The following ERI3 variants were observed in gnomAD, a reference collection of about 807,000 sequenced individuals.
ERI3 encodes the protein ERI1 exoribonuclease 3.
Under a neutral mutation model 44.4 loss-of-function variants are expected in ERI3, and 18 were observed. The observed-to-expected ratio is 0.41, with a 90% confidence interval of 0.28 to 0.60. The LOEUF (loss-of-function observed/expected upper bound fraction) is 0.60, where lower values mean the gene tolerates loss of function less well. ERI3 is among the 20% of genes least tolerant of loss of function. ERI3 has a pLI of 0.36. For synonymous variants in ERI3, 183 were observed against 164.8 expected (o/e 1.11, Z -0.84); for missense variants, 294 against 435.5 (o/e 0.68, Z 2.89).
At chr1:44,287,363 T>C (rs1030638356) in intron 6 of ERI3, among the ~76,000 whole-genome samples, 1 of 152,206 alleles carries the variant, frequency 6.6e-6, no homozygotes, top group Admixed American at 6.5e-5. Context: ...CTCCAGAAAG[T>C]TCAAGGCAGT....
intron 6 of ERI3, among the ~76,000 whole-genome samples, chr1:44,302,617 C>T (rs759822950): frequency 5.9e-5 from 9 of 152,232 alleles, no homozygotes; most frequent in Non-Finnish European, 7.3e-5. Flanking sequence ...ATCCCCACCA[C>T]ATCTCCTGGC....
At chr1:44,278,208 T>C (rs1447337225) in intron 7 of ERI3, among the ~76,000 whole-genome samples, 1 of 152,184 alleles carries the variant, frequency 6.6e-6, no homozygotes, top group Non-Finnish European at 1.5e-5. Flanking sequence ...CCGAGTGCAG[T>C]GGCTCGCACC....
intron 4 of ERI3, among the ~76,000 whole-genome samples, chr1:44,317,082 T>G (rs114953249): frequency 6.6e-6 from 1 of 152,182 alleles, no homozygotes; most frequent in African/African-American, 2.4e-5. Context: ...TGTCCAGCAC[T>G]GAGCCTGCTT....
At chr1:44,347,525 T>C (rs1203729604) in intron 2 of ERI3, among the ~76,000 whole-genome samples, 1 of 152,210 alleles carries the variant, frequency 6.6e-6, no homozygotes, top group Non-Finnish European at 1.5e-5. Context: ...CTTCCATTTT[T>C]TGCCAGACAA....
intron 8 of ERI3, among the ~76,000 whole-genome samples, chr1:44,225,765 C>T (rs1325077515): frequency 6.6e-6 from 1 of 152,200 alleles, no homozygotes; most frequent in African/African-American, 2.4e-5. Flanking sequence ...GCGGTACTTA[C>T]CTGGGAACTG....
intron 8 of ERI3, among the ~76,000 whole-genome samples, chr1:44,236,283 G>T (rs1368900376): frequency 6.6e-6 from 1 of 152,214 alleles, no homozygotes; most frequent in African/African-American, 2.4e-5. Context: ...CAGACACTGT[G>T]CTATGCTTTG....
chr1:44,283,796 A>G (rs912913194), intron 7 of ERI3, among the ~76,000 whole-genome samples: 3 of 152,110 alleles, frequency 2.0e-5, no homozygotes, highest in Non-Finnish European at 4.4e-5. Context: ...CTGCTCCTCC[A>G]CATGTTTGCT....
chr1:44,351,792 A>G (rs1205474777), intron 2 of ERI3, among the ~76,000 whole-genome samples: 1 of 151,892 alleles, frequency 6.6e-6, no homozygotes, highest in Non-Finnish European at 1.5e-5. Flanking sequence ...CTCAAATTCA[A>G]CAAAGCTCTG....
At chr1:44,320,486 A>T (rs1411131063) in intron 3 of ERI3, among the ~76,000 whole-genome samples, 1 of 152,228 alleles carries the variant, frequency 6.6e-6, no homozygotes, top group Non-Finnish European at 1.5e-5. Flanking sequence ...CCTGGTGTGC[A>T]AACAGGCTTG....
intron 3 of ERI3, among the ~76,000 whole-genome samples, chr1:44,332,525 A>T (rs1023288804): frequency 6.6e-6 from 1 of 152,220 alleles, no homozygotes; most frequent in African/African-American, 2.4e-5. Context: ...GTGGAGAAGC[A>T]GTCTGAATAG....
chr1:44,280,699 C>G (rs1028477576), intron 7 of ERI3, among the ~76,000 whole-genome samples: 3 of 151,942 alleles, frequency 2.0e-5, no homozygotes, highest in Non-Finnish European at 2.9e-5. Flanking sequence ...TCTTAGCTCC[C>G]TCTACACTGC....
rs1419036265 is a variant in ERI3, at chr1:44,228,068, C to T, written c.932-6428G>A. 6.6e-6 allele frequency among the ~76,000 whole-genome samples: 1 copy of T among 151,722 alleles called. No individual in the cohort carries two copies. The highest frequency in any genetic ancestry group is 1.5e-5 in the Non-Finnish European group (1 of 67,988). On this transcript the variant is annotated intron_variant, in intron 8 of 8. Coordinates refer to ENST00000372257, the MANE Select transcript of ERI3 (RefSeq NM_024066.3). This position sits in a 1 kb window ranked among gnomAD's most constrained non-coding sequence, Gnocchi z 4.3. ...AGTTCCTTGTCTCAGACATGGCCTA[C>T]ACAGTCCCCTGCGCCCCCATTCACG...
intron 8 of ERI3, among the ~76,000 whole-genome samples, chr1:44,247,463 G>A (rs1181259126): frequency 6.6e-6 from 1 of 152,180 alleles, no homozygotes; most frequent in East Asian, 1.9e-4. Context: ...CCCTGTGGAC[G>A]GAGTCATCGG....
intron 5 of ERI3, among the ~76,000 whole-genome samples, chr1:44,311,677 C>A (rs1645976216): frequency 6.6e-6 from 1 of 152,080 alleles, no homozygotes; most frequent in Admixed American, 6.5e-5. Context: ...CCTCAAGAGT[C>A]CTGGTTTGCT....
At chr1:44,311,013 ACACG>A (rs1347655519) in intron 5 of ERI3, among the ~76,000 whole-genome samples, 1 of 140,218 alleles carries the variant, frequency 7.1e-6, no homozygotes. Context: ...ACACACACAC[ACACG>A]TGCAGGAATC....
intron 2 of ERI3, among the ~76,000 whole-genome samples, chr1:44,350,685 A>G (rs1334062058): frequency 2.0e-5 from 3 of 152,250 alleles, no homozygotes; most frequent in Admixed American, 6.5e-5. Context: ...GTTAGTAAAG[A>G]GAACTGTTAT....
At chr1:44,299,608 G>A (rs1645682013) in intron 6 of ERI3, among the ~76,000 whole-genome samples, 2 of 152,112 alleles carry the variant, frequency 1.3e-5, no homozygotes, top group Admixed American at 1.3e-4. Flanking sequence ...GTTCCTTCTT[G>A]GAGCTTGGGA....
At chr1:44,354,610 C>G in intron 1 of ERI3, 1 of 985,380 alleles carries the variant, frequency 1.0e-6, no homozygotes. Context: ...AGGGAATGTT[C>G]TACCCACAAT....
At chr1:44,281,151 T>C (rs762489363) in intron 7 of ERI3, among the ~76,000 whole-genome samples, 25 of 152,202 alleles carry the variant, frequency 1.6e-4, no homozygotes, top group Non-Finnish European at 3.2e-4. Context: ...GACCCTACCC[T>C]ACTAAGTTAG....
Sources: allele counts gnomAD v4.1 joint callset (sites outside exome capture counted in the v4.1 genomes callset), GRCh38; gene constraint gnomAD v4.1.1; non-coding constraint Gnocchi (gnomAD v3.1); transcripts MANE v1.5; gene names NCBI Gene and HGNC (gene_info 2026-07-23, HGNC 2026-07-21).